The following AFF3 variants were observed in gnomAD, a reference collection of about 807,000 sequenced individuals.
AFF3 encodes the protein ALF transcription elongation factor 3, also known as AF4/FMR2 family member 3.
Under a neutral mutation model 129.7 loss-of-function variants are expected in AFF3, and 32 were observed. The observed-to-expected ratio is 0.25, with a 90% CI of 0.19 to 0.33. The LOEUF (loss-of-function observed/expected upper bound fraction) is 0.33. Among genes scored for constraint, AFF3 ranks in the 10% least tolerant of loss-of-function variants. The pLI, the probability that AFF3 is intolerant of heterozygous loss-of-function variation, is 1.00. For synonymous variants in AFF3, 644 were observed against 635.4 expected (o/e 1.01, Z -0.20); for missense variants, 1,373 against 1,592.0 (o/e 0.86, Z 2.34).
Position 99,601,929 on chromosome 2 carries a change from CT to C in AFF3, c.1185-309del, listed in dbSNP as rs1679876331. On this transcript the variant is annotated intron_variant, in intron 13 of 24. Coordinates refer to ENST00000672756, the MANE Select transcript of AFF3 (RefSeq NM_001386135.1). ...CATCCAAATGGCTGTTTCCATTTTG[CT>C]GCTGTTCTGGGAATGGCTTTTCAAA... Among the ~76,000 whole-genome samples, 6 of 152,322 alleles carry C rather than the reference CT, an allele frequency of 3.9e-5. No individual in the cohort carries two copies. In the South Asian group the frequency reaches 1.2e-3, roughly 32 times the overall value.
At chr2:99,722,556 T>C (rs1027148659) in intron 11 of AFF3, among the ~76,000 whole-genome samples, 9 of 152,180 alleles carry the variant, frequency 5.9e-5, no homozygotes, top group Non-Finnish European at 1.3e-4. Context: ...TCTGAGGCAT[T>C]TACCAAGCCC....
At chr2:100,004,957 A>G (rs1434949385) in intron 7 of AFF3, among the ~76,000 whole-genome samples, 2 of 152,062 alleles carry the variant, frequency 1.3e-5, no homozygotes, top group East Asian at 3.9e-4. Flanking sequence ...TGAAATATTC[A>G]GGACAAAAAG....
chr2:99,697,136 C>T, intron 11 of AFF3, among the ~76,000 whole-genome samples: 1 of 152,206 alleles, frequency 6.6e-6, no homozygotes. Context: ...AAAAAGTCCA[C>T]CTAGCTCTTG....
At chr2:100,075,792 C>A (rs1444960062) in intron 4 of AFF3, among the ~76,000 whole-genome samples, 1 of 152,128 alleles carries the variant, frequency 6.6e-6, no homozygotes, top group Non-Finnish European at 1.5e-5. Flanking sequence ...TATTATATTT[C>A]AGTTGTTTGC....
chr2:99,755,604 G>A (rs1359486626), intron 8 of AFF3, among the ~76,000 whole-genome samples: 1 of 151,986 alleles, frequency 6.6e-6, no homozygotes, highest in Non-Finnish European at 1.5e-5. Flanking sequence ...CAATCTTATG[G>A]GCACCCCCAA....
intron 4 of AFF3, among the ~76,000 whole-genome samples, chr2:100,098,845 C>G (rs577067561): frequency 9.2e-6 from 1 of 109,250 alleles, no homozygotes; most frequent in Non-Finnish European, 2.0e-5. Context: ...ACACCCCACA[C>G]GAGGGCTGAG....
intron 7 of AFF3, among the ~76,000 whole-genome samples, chr2:99,866,051 CT>C (rs1691370591): frequency 6.6e-6 from 1 of 152,182 alleles, no homozygotes; most frequent in African/African-American, 2.4e-5. Context: ...ACAGGGCTAC[CT>C]TCTGGACACA....
At chr2:99,976,526 T>C (rs1678908955) in intron 7 of AFF3, among the ~76,000 whole-genome samples, 1 of 152,220 alleles carries the variant, frequency 6.6e-6, no homozygotes, top group African/African-American at 2.4e-5. Flanking sequence ...AGCTGAGGTT[T>C]TGGCAAAGGT....
chr2:99,963,727 A>T (rs1677457907), intron 7 of AFF3, among the ~76,000 whole-genome samples: 1 of 150,820 alleles, frequency 6.6e-6, no homozygotes, highest in African/African-American at 2.4e-5. Context: ...AAATAGAAAC[A>T]GAAGAATGAG....
chr2:99,597,175 T>C (rs1224628791), intron 14 of AFF3, among the ~76,000 whole-genome samples: 1 of 152,206 alleles, frequency 6.6e-6, no homozygotes, highest in Admixed American at 6.5e-5. Flanking sequence ...TCATCTAGGT[T>C]TAAAGACCAA....
intron 20 of AFF3, among the ~76,000 whole-genome samples, chr2:99,563,829 A>AG (rs1284533105): frequency 1.7e-3 from 251 of 151,308 alleles, no homozygotes; most frequent in Non-Finnish European, 2.8e-3. Flanking sequence ...AAAAAAAAAA[A>AG]AAAAGAAAGA....
At chr2:99,648,917 A>ACACACACACTCTCTCT in intron 13 of AFF3, among the ~76,000 whole-genome samples, 1,390 of 46,648 alleles carry the variant, frequency 0.03, 25 homozygotes, top group Non-Finnish European at 0.047. Flanking sequence ...ACACACACAC[A>ACACACACACTCTCTCT]CTCTCTCTCT....
chr2:99,653,332 A>AG (rs1685449036), intron 12 of AFF3, among the ~76,000 whole-genome samples: 5 of 152,208 alleles, frequency 3.3e-5, no homozygotes, highest in Non-Finnish European at 7.3e-5. Flanking sequence ...AGGTGTAACT[A>AG]AAAGTTCAAT....
At chr2:99,761,051 T>C (rs1336196971) in intron 8 of AFF3, among the ~76,000 whole-genome samples, 1 of 151,912 alleles carries the variant, frequency 6.6e-6, no homozygotes, top group African/African-American at 2.4e-5. Context: ...CAGGCTGCCA[T>C]GTCCCACTCC....
intron 4 of AFF3, among the ~76,000 whole-genome samples, chr2:100,076,566 T>C (rs537532903): frequency 3.9e-5 from 6 of 152,290 alleles, no homozygotes; most frequent in Non-Finnish European, 7.4e-5. Context: ...ATTTCCCTTT[T>C]CCTCTGCACC....
intron 4 of AFF3, among the ~76,000 whole-genome samples, chr2:100,024,406 C>T (rs959949777): frequency 4.6e-5 from 7 of 150,848 alleles, no homozygotes; most frequent in African/African-American, 1.7e-4. Flanking sequence ...AGTTCAAGAT[C>T]AGCCTGACCA....
In AFF3 at chr2:99,600,137, T is replaced by G. The variant is rs58378377; in HGVS notation, c.1371+1298A>C. On this transcript the variant is annotated intron_variant, in intron 14 of 24. Coordinates refer to ENST00000672756, the MANE Select transcript of AFF3 (RefSeq NM_001386135.1). Reference sequence around the variant, plus strand: ...AAGAGCCTTCCCCTCATACAGAGATTGATAGATGGATAAATAGATGGATAG... The same window carrying G: ...AAGAGCCTTCCCCTCATACAGAGATGGATAGATGGATAAATAGATGGATAG... 2.1e-4 allele frequency among the ~76,000 whole-genome samples: 32 copies of G among 152,150 alleles called. 1 individual carries two copies. Among genetic ancestry groups the G allele is most frequent in the African/African-American group, 7.7e-4 (32 of 41,504 alleles).
At chr2:99,944,774 T>C (rs111841949) in intron 7 of AFF3, among the ~76,000 whole-genome samples, 23 of 152,268 alleles carry the variant, frequency 1.5e-4, no homozygotes, top group East Asian at 7.7e-4. Context: ...GAGTGATATA[T>C]AGTAAAGGGT....
intron 4 of AFF3, among the ~76,000 whole-genome samples, chr2:100,025,563 GGAACCAAAAAA>G (rs1381447107): frequency 6.6e-6 from 1 of 151,992 alleles, no homozygotes; most frequent in Non-Finnish European, 1.5e-5. Context: ...AAATTCATAT[GGAACCAAAAAA>G]GAGCCCACAT....
Sources: allele counts gnomAD v4.1 joint callset (sites outside exome capture counted in the v4.1 genomes callset), GRCh38; gene constraint gnomAD v4.1.1; transcripts MANE v1.5; gene names NCBI Gene and HGNC (gene_info 2026-07-23, HGNC 2026-07-21).